KCNIP4: variants seen among roughly 807,000 people sequenced by gnomAD.
KCNIP4 encodes Kv channel-interacting protein 4.
KCNIP4 carries 12 observed loss-of-function variants against 34.0 expected under a neutral mutation model. The observed-to-expected ratio is 0.35, with a 90% CI of 0.23 to 0.57. KCNIP4 has a LOEUF of 0.57. Among genes scored for constraint, KCNIP4 ranks in the 20% least tolerant of loss-of-function variants. The pLI, the probability that KCNIP4 is intolerant of heterozygous loss-of-function variation, is 0.83. For synonymous variants in KCNIP4, 124 were observed against 102.2 expected (o/e 1.21, Z -1.29); for missense variants, 238 against 311.7 (o/e 0.76, Z 1.78).
intron 1 of KCNIP4, among the ~76,000 whole-genome samples, chr4:21,870,098 G>A (rs1277072481): frequency 1.3e-5 from 2 of 152,112 alleles, no homozygotes; most frequent in African/African-American, 4.8e-5. Context: ...TTTGTAAGAA[G>A]CCCAGTGGAC....
chr4:21,016,512 G>T (rs1021726903), intron 1 of KCNIP4, among the ~76,000 whole-genome samples: 2 of 152,014 alleles, frequency 1.3e-5, no homozygotes, highest in Non-Finnish European at 2.9e-5. Context: ...AGCCTGGATG[G>T]TCTCGATCTC....
chr4:21,864,413 T>A (rs1174588005), intron 1 of KCNIP4, among the ~76,000 whole-genome samples: 2 of 152,228 alleles, frequency 1.3e-5, no homozygotes, highest in African/African-American at 4.8e-5. Context: ...TAGGACCATT[T>A]CATTTTTGCA....
At chr4:20,831,039 G>A (rs1336598098) in intron 3 of KCNIP4, among the ~76,000 whole-genome samples, 1 of 152,200 alleles carries the variant, frequency 6.6e-6, no homozygotes, top group East Asian at 1.9e-4. Context: ...TATAAAGAGA[G>A]TGGGATTGGT....
At chr4:20,766,436 C>T (rs544854163) in intron 3 of KCNIP4, among the ~76,000 whole-genome samples, 1 of 152,198 alleles carries the variant, frequency 6.6e-6, no homozygotes, top group Admixed American at 6.5e-5. Flanking sequence ...CGTGGTGGCA[C>T]ATGCCTATAA....
In KCNIP4 at chr4:21,548,596, A is replaced by G. The variant is rs551824883; in HGVS notation, c.61+399975T>C. The stretch of plus-strand genomic sequence containing the variant: ...GAAGTCTAAAAAAAAAAAGCAAACT[A>G]TCTACATAATCCAATTGAATACTCA... On this transcript the variant is annotated intron_variant, in intron 1 of 8. Coordinates refer to ENST00000382152, the MANE Select transcript of KCNIP4 (RefSeq NM_025221.6). 1.6e-3 allele frequency among the ~76,000 whole-genome samples: 238 copies of G among 152,096 alleles called. 1 individual carries two copies. Among genetic ancestry groups the G allele is most frequent in the Non-Finnish European group, 2.7e-3 (184 of 67,982 alleles).
chr4:21,488,225 A>T (rs1362063688), intron 1 of KCNIP4, among the ~76,000 whole-genome samples: 1 of 152,158 alleles, frequency 6.6e-6, no homozygotes, highest in East Asian at 1.9e-4. Context: ...CACACAGATC[A>T]TTCTAAACTT....
At chr4:21,245,391 A>AT (rs1760123615) in intron 1 of KCNIP4, among the ~76,000 whole-genome samples, 1 of 152,178 alleles carries the variant, frequency 6.6e-6, no homozygotes, top group Admixed American at 6.6e-5. Flanking sequence ...GGGTAAGAAG[A>AT]TAGATATTGC....
At chr4:21,720,754 C>T (rs1437315871) in intron 1 of KCNIP4, among the ~76,000 whole-genome samples, 1 of 143,718 alleles carries the variant, frequency 7.0e-6, no homozygotes, top group South Asian at 2.3e-4. Context: ...TTGTTCAATT[C>T]CCACCTATGC....
chr4:20,864,351 T>C (rs1444788818), intron 2 of KCNIP4, among the ~76,000 whole-genome samples: 1 of 151,188 alleles, frequency 6.6e-6, no homozygotes, highest in African/African-American at 2.4e-5. Context: ...CATGTATGTA[T>C]AACATGTATA....
At chr4:21,312,334 C>T (rs1713276525) in intron 1 of KCNIP4, among the ~76,000 whole-genome samples, 1 of 152,164 alleles carries the variant, frequency 6.6e-6, no homozygotes, top group Non-Finnish European at 1.5e-5. Flanking sequence ...AAAAGGAATC[C>T]TCAGACCTTT....
At chr4:20,974,657 TA>T (rs1735307256) in intron 1 of KCNIP4, among the ~76,000 whole-genome samples, 1 of 152,192 alleles carries the variant, frequency 6.6e-6, no homozygotes, top group African/African-American at 2.4e-5. Flanking sequence ...CTCCACTTTC[TA>T]AATAGGATTG....
At position 20,949,748 on chromosome 4, in the gene KCNIP4, T is replaced by C. The variant is rs1732572900; in HGVS notation, c.62-67039A>G. Among the ~76,000 whole-genome samples the C allele has an allele frequency of 3.3e-5, 5 of 151,292 alleles. No individual in the cohort carries two copies. The South Asian group carries it at 1.0e-3, about 32-fold the overall frequency. On this transcript the variant is annotated intron_variant, in intron 1 of 8. Transcript: ENST00000382152. Reference sequence around the variant, plus strand: ...TTGGAAATAACCATTCTCAGTAAACTATCGCAATAACAAAAAACCAAACAC... The same window carrying C: ...TTGGAAATAACCATTCTCAGTAAACCATCGCAATAACAAAAAACCAAACAC...
intron 1 of KCNIP4, among the ~76,000 whole-genome samples, chr4:21,885,334 C>A (rs550020987): frequency 1.4e-3 from 215 of 152,116 alleles, no homozygotes; most frequent in Non-Finnish European, 2.2e-3. Flanking sequence ...TTGTTCTATT[C>A]GTGAAAAAAG....
At chr4:21,045,361 C>A (rs887274684) in intron 1 of KCNIP4, among the ~76,000 whole-genome samples, 1 of 152,202 alleles carries the variant, frequency 6.6e-6, no homozygotes, top group Admixed American at 6.5e-5. Flanking sequence ...CCAGATGATG[C>A]TAATTTTGCT....
intron 1 of KCNIP4, among the ~76,000 whole-genome samples, chr4:21,586,851 G>A (rs556770039): frequency 6.6e-6 from 1 of 152,142 alleles, no homozygotes; most frequent in African/African-American, 2.4e-5. Flanking sequence ...GTGCTATTCT[G>A]AACTCAGGCT....
chr4:20,931,572 G>A (rs183853650), intron 1 of KCNIP4, among the ~76,000 whole-genome samples: 12 of 152,190 alleles, frequency 7.9e-5, no homozygotes, highest in Admixed American at 7.2e-4. Flanking sequence ...AAGTATTTGT[G>A]CATGTAAACT....
intron 1 of KCNIP4, among the ~76,000 whole-genome samples, chr4:21,774,409 G>C (rs187042542): frequency 2.0e-5 from 3 of 152,102 alleles, no homozygotes; most frequent in African/African-American, 7.2e-5. Context: ...TGATGATTAT[G>C]TGTCTTCGGG....
chr4:21,678,003 C>T (rs745642374), intron 1 of KCNIP4, among the ~76,000 whole-genome samples: 5 of 152,126 alleles, frequency 3.3e-5, no homozygotes, highest in East Asian at 1.9e-4. Context: ...CTGCCTGCCT[C>T]GGCGTCCCAA....
At chr4:21,862,163 T>C (rs1435401320) in intron 1 of KCNIP4, among the ~76,000 whole-genome samples, 1 of 152,064 alleles carries the variant, frequency 6.6e-6, no homozygotes, top group African/African-American at 2.4e-5. Flanking sequence ...TAATCTAAAT[T>C]TGCCCCTTTC....
Sources: gnomAD v4.1 joint callset for allele counts (sites outside exome capture counted in the v4.1 genomes callset) on GRCh38, gnomAD v4.1.1 for gene constraint, MANE v1.5 for transcripts, NCBI Gene and HGNC (gene_info 2026-07-23, HGNC 2026-07-21) for gene names.